MAP2K3: variants seen among roughly 807,000 people sequenced by gnomAD.
MAP2K3 encodes the protein mitogen-activated protein kinase kinase 3, also known as dual specificity mitogen-activated protein kinase kinase 3.
Under a neutral mutation model 46.4 loss-of-function variants are expected in MAP2K3, and 30 were observed. The observed-to-expected ratio is 0.65, with a 90% CI of 0.48 to 0.88. The LOEUF is 0.88. Among genes scored for constraint, MAP2K3 ranks in the 40% least tolerant of loss-of-function variants. MAP2K3 has a pLI of 0.00. For synonymous variants in MAP2K3, 189 were observed against 176.3 expected (o/e 1.07, Z -0.57); for missense variants, 380 against 464.5 (o/e 0.82, Z 1.67).
At chr17:21,292,241 C>G (rs1450163169) in intron 1 of MAP2K3, among the ~76,000 whole-genome samples, 1 of 152,310 alleles carries the variant, frequency 6.6e-6, no homozygotes, top group African/African-American at 2.4e-5. Context: ...TTCAAGCAGG[C>G]CTCTTTGTTT....
chr17:21,288,978 C>T (rs971920142), intron 1 of MAP2K3, among the ~76,000 whole-genome samples: 1 of 152,196 alleles, frequency 6.6e-6, no homozygotes, highest in Non-Finnish European at 1.5e-5. Context: ...GGGTAGTGGT[C>T]GAGATTGAAG....
At chr17:21,298,073 C>T (rs1976361459) in intron 1 of MAP2K3, among the ~76,000 whole-genome samples, 1 of 152,308 alleles carries the variant, frequency 6.6e-6, no homozygotes, top group Admixed American at 6.5e-5. Flanking sequence ...TCTCACCCCA[C>T]ATCCCATTGA....
intron 7 of MAP2K3, 58 bp downstream of exon 7, chr17:21,303,292 A>G (rs991388611): frequency 2.5e-6 from 4 of 1,610,780 alleles, no homozygotes; most frequent in East Asian, 2.2e-5. Flanking sequence ...TCCCAGGCCA[A>G]GGCGGGTGGA....
rs1976177806 is a variant in MAP2K3 at position 21,295,327 on chromosome 17, T to A, written c.50-3086T>A. Among the ~76,000 whole-genome samples, 3 of 152,430 alleles carry A rather than the reference T, an allele frequency of 2.0e-5. No homozygotes were observed. In the South Asian group the frequency reaches 6.2e-4, roughly 32 times the overall value. ...GTGTAGCCTCAGGTCAGTGGCTGAA[T>A]TCTGGTCAGTTTCAGTTTCCTTGCC... On this transcript the variant is annotated intron_variant, in intron 1 of 11. Transcript: ENST00000342679.
intron 1 of MAP2K3, among the ~76,000 whole-genome samples, chr17:21,288,306 C>G (rs1221821479): frequency 1.3e-5 from 2 of 152,208 alleles, no homozygotes; most frequent in Non-Finnish European, 2.9e-5. Flanking sequence ...GTGCCCCACC[C>G]AGGAACTTCC....
At chr17:21,301,185 G>A (rs1490097990) in intron 5 of MAP2K3, among the ~76,000 whole-genome samples, 192 bp downstream of exon 5, 2 of 152,310 alleles carry the variant, frequency 1.3e-5, no homozygotes, top group African/African-American at 4.8e-5. Flanking sequence ...AATGAGGCCG[G>A]TGGTTGTGGG....
At chr17:21,294,185 G>T (rs962208708) in intron 1 of MAP2K3, among the ~76,000 whole-genome samples, 2 of 124,864 alleles carry the variant, frequency 1.6e-5, no homozygotes, top group African/African-American at 3.0e-5. Context: ...GGGAATAGAG[G>T]TGGCCTGGGG....
At chr17:21,296,006 T>C in intron 1 of MAP2K3, 1 of 1,275,704 alleles carries the variant, frequency 7.8e-7, no homozygotes, top group Non-Finnish European at 1.0e-6. Context: ...TATATTCTGG[T>C]TACGAAAAGC....
intron 1 of MAP2K3, among the ~76,000 whole-genome samples, chr17:21,294,329 G>C (rs1976118583): frequency 6.6e-6 from 1 of 152,312 alleles, no homozygotes; most frequent in African/African-American, 2.4e-5. Flanking sequence ...ACTAGGAGCA[G>C]GGATTACTTC....
chr17:21,312,430 T>C (rs1977210907), intron 10 of MAP2K3, 149 bp downstream of exon 10: 1 of 744,522 alleles, frequency 1.3e-6, no homozygotes, highest in Non-Finnish European at 2.0e-6. Flanking sequence ...AGCTGGAGCA[T>C]GAGGAGCATT....
chr17:21,285,366 C>T (rs986267908), intron 1 of MAP2K3: 1 of 791,140 alleles, frequency 1.3e-6, no homozygotes, highest in Non-Finnish European at 1.5e-6. Context: ...CCTTGGGCAG[C>T]ACCCAGTCCC....
intron 1 of MAP2K3, chr17:21,295,494 A>T: frequency 1.1e-6 from 1 of 880,990 alleles, no homozygotes; most frequent in Non-Finnish European, 1.4e-6. Context: ...GGTTGCCACA[A>T]CGGCTGCACC....
chr17:21,303,328 C>G (rs1315260589), intron 7 of MAP2K3, 94 bp downstream of exon 7: 1 of 1,559,296 alleles, frequency 6.4e-7, no homozygotes, highest in Non-Finnish European at 8.7e-7. Context: ...AACTGTGGCT[C>G]CGAGAGGTGA....
intron 1 of MAP2K3, chr17:21,295,683 A>G (rs967813682): frequency 7.8e-7 from 1 of 1,289,510 alleles, no homozygotes; most frequent in Non-Finnish European, 1.0e-6. Flanking sequence ...AGGCCGGTGG[A>G]TGCAGAGGCC....
intron 9 of MAP2K3, among the ~76,000 whole-genome samples, chr17:21,309,199 C>A (rs1977046343): frequency 6.6e-6 from 1 of 152,308 alleles, no homozygotes. Context: ...AGTTGGAGTT[C>A]TTTCATGATG....
At chr17:21,289,097 G>A (rs934759387) in intron 1 of MAP2K3, among the ~76,000 whole-genome samples, 2 of 152,238 alleles carry the variant, frequency 1.3e-5, no homozygotes, top group South Asian at 2.1e-4. Flanking sequence ...GTGACAATGT[G>A]CTCGTAGGCG....
chr17:21,301,958 CAG>C (rs1403579146), intron 5 of MAP2K3, among the ~76,000 whole-genome samples, 183 bp from the exon 6 acceptor site: 3 of 151,934 alleles, frequency 2.0e-5, no homozygotes, highest in Non-Finnish European at 4.4e-5. Context: ...GCAGTGCAGG[CAG>C]AGTTGGAGGG....
intron 1 of MAP2K3, among the ~76,000 whole-genome samples, chr17:21,295,237 A>G (rs531919197): frequency 8.8e-3 from 1,336 of 151,752 alleles, no homozygotes; most frequent in African/African-American, 0.031. Flanking sequence ...GGGAGGAGAT[A>G]GGGCAGAGCT....
In MAP2K3 at chr17:21,304,506, G is replaced by T. The variant is rs1243698443; in HGVS notation, c.649G>T (p.Asp217Tyr). 1 of 1,614,194 alleles carries T rather than the reference G, an allele frequency of 6.2e-7. No individual in the cohort carries two copies. Among genetic ancestry groups the T allele is most frequent in the African/African-American group, 1.3e-5 (1 of 74,966 alleles). The change falls in exon 8 of 12, where the codon GAC (aspartate) becomes TAC (tyrosine). Residue 217 changes from aspartate (D) to tyrosine (Y), a missense_variant. Physicochemically the swap from Asp to Tyr is radical, Grantham distance 160. Transcript: ENST00000342679. ...CDFGISGYLV[D>Y]SVAKTMDAGC... Reference sequence around the variant, plus strand: ...CTTTGGCATCAGTGGCTACTTGGTGGACTCTGTGGCCAAGACGATGGATGC... The same window carrying T: ...CTTTGGCATCAGTGGCTACTTGGTGTACTCTGTGGCCAAGACGATGGATGC...
Sources: gnomAD v4.1 joint callset for allele counts (sites outside exome capture counted in the v4.1 genomes callset) on GRCh38, gnomAD v4.1.1 for gene constraint, MANE v1.5 for transcripts, NCBI Gene and HGNC (gene_info 2026-07-23, HGNC 2026-07-21) for gene names.